GGA1: variants seen among roughly 807,000 people sequenced by gnomAD.
The protein encoded by GGA1 is golgi associated, gamma adaptin ear containing, ARF binding protein 1.
In GGA1, 18 loss-of-function variants were observed where a neutral mutation model predicts 76.9. That is an observed-to-expected ratio of 0.23 (90% CI 0.16 to 0.35). The LOEUF is 0.35. Among genes scored for constraint, GGA1 ranks in the 10% least tolerant of loss-of-function variants. The probability of loss-of-function intolerance (pLI) is 1.00; values close to 1 mark genes in which losing one functional copy is unlikely to be tolerated. For synonymous variants in GGA1, 342 were observed against 354.7 expected (o/e 0.96, Z 0.40); for missense variants, 755 against 859.0 (o/e 0.88, Z 1.51).
At position 37,633,303 on chromosome 22, in the gene GGA1, C is replaced by G. The variant is rs946049012; in HGVS notation, c.*592C>G. The G allele has an allele frequency of 1.5e-4, 23 of 152,406 alleles. No individual in the cohort carries two copies. The highest frequency in any genetic ancestry group is 5.6e-4 in the African/African-American group (23 of 41,412). The allele number at this position is 152,406 out of a possible 1,614,324, so 9.4% of individuals were successfully genotyped here. ...CAGGCTGGGGGAACCTCACCTGGCCCGTACTCCTGGGGGTTTCCCTTTGCC... is the reference window on the plus strand; with the variant it reads ...CAGGCTGGGGGAACCTCACCTGGCCGGTACTCCTGGGGGTTTCCCTTTGCC... On this transcript the variant is annotated 3_prime_UTR_variant, in exon 17 of 17. Coordinates refer to ENST00000343632, the MANE Select transcript of GGA1 (RefSeq NM_013365.5).
Position 37,623,351 on chromosome 22 carries a change from T to G in GGA1, c.634T>G (p.Ser212Ala). 6.2e-7 allele frequency: 1 copy of G among 1,614,002 alleles called. No homozygotes were observed. Among genetic ancestry groups the G allele is most frequent in the Non-Finnish European group, 8.5e-7 (1 of 1,179,942 alleles). The change falls in exon 8 of 17, where the codon TCG becomes GCG. Residue 212 changes from serine (S) to alanine (A), a missense_variant. Transcript: ENST00000343632. The surrounding 1 kb of genome is among the most constrained non-coding windows in gnomAD (Gnocchi z 4.6). ...QEDQKRMEKI[S>A]KRVNAIEEVN... ...GGACCAGAAGCGGATGGAGAAGATC[T>G]CGAAGAGGGTGAATGCCATCGAGGA...
chr22:37,619,668 C>T, intron 4 of GGA1: 1 of 619,538 alleles, frequency 1.6e-6, no homozygotes, highest in Non-Finnish European at 3.0e-6. Flanking sequence ...GAGCCATGGC[C>T]TCCGGCCTAC....
At chr22:37,622,826 G>A (rs1164662497) in intron 7 of GGA1, among the ~76,000 whole-genome samples, 9 of 152,206 alleles carry the variant, frequency 5.9e-5, no homozygotes, top group Admixed American at 2.0e-4. Flanking sequence ...GGGGAAAGCC[G>A]GGCTGCTCCC....
chr22:37,609,961 G>A (rs1927199085), intron 1 of GGA1, among the ~76,000 whole-genome samples: 1 of 152,164 alleles, frequency 6.6e-6, no homozygotes, highest in Non-Finnish European at 1.5e-5. Flanking sequence ...AACCTCTAGG[G>A]ATGTTTCAGA....
At chr22:37,609,333 C>T (rs1332291710) in intron 1 of GGA1, 8 of 1,099,860 alleles carry the variant, frequency 7.3e-6, no homozygotes, top group East Asian at 1.1e-4. Context: ...CACTCTCTGG[C>T]CCTGCATGGC....
At chr22:37,619,281 G>T (rs1210281810) in intron 4 of GGA1, among the ~76,000 whole-genome samples, 2 of 151,990 alleles carry the variant, frequency 1.3e-5, no homozygotes, top group African/African-American at 4.8e-5. Flanking sequence ...TGGCCAGGCT[G>T]GTCTTGAACT....
At chr22:37,628,969 G>A (rs1289043616) in intron 11 of GGA1, among the ~76,000 whole-genome samples, 1 of 152,226 alleles carries the variant, frequency 6.6e-6, no homozygotes, top group Non-Finnish European at 1.5e-5. Flanking sequence ...AGGGCCTTCA[G>A]CGTCGCCTCC....
At chr22:37,620,788 C>A (rs1325197732) in intron 5 of GGA1, 25 bp from the exon 6 acceptor site, 9 of 1,421,130 alleles carry the variant, frequency 6.3e-6, no homozygotes, top group Non-Finnish European at 9.0e-6. Context: ...ATATTGACAG[C>A]CTTTCTGACA....
intron 1 of GGA1, chr22:37,609,324 A>C: frequency 9.1e-7 from 1 of 1,104,406 alleles, no homozygotes. Context: ...CGAATCCTCC[A>C]CTCTCTGGCC....
intron 4 of GGA1, among the ~76,000 whole-genome samples, chr22:37,619,452 C>T (rs1326071217): frequency 2.6e-5 from 4 of 151,106 alleles, no homozygotes; most frequent in African/African-American, 9.8e-5. Flanking sequence ...GATCTCAGCT[C>T]ACTGCACCCT....
At chr22:37,627,766 G>A (rs976062025) in intron 11 of GGA1, among the ~76,000 whole-genome samples, 10 of 152,246 alleles carry the variant, frequency 6.6e-5, no homozygotes, top group African/African-American at 2.4e-4. Flanking sequence ...TGGGGGCACA[G>A]GAGCCGGAAG....
intron 1 of GGA1, 67 bp from the exon 2 acceptor site, chr22:37,614,123 A>G: frequency 9.4e-7 from 1 of 1,069,420 alleles, no homozygotes; most frequent in Non-Finnish European, 1.5e-6. Flanking sequence ...CACCTTTGCC[A>G]GGGTCAGGAG....
intron 5 of GGA1, 84 bp from the exon 6 acceptor site, chr22:37,620,729 C>A: frequency 1.2e-6 from 1 of 859,260 alleles, no homozygotes; most frequent in Non-Finnish European, 2.0e-6. Context: ...TTCTGTCCTA[C>A]CCTTGCCTGC....
chr22:37,621,736 G>C (rs1461394169), intron 7 of GGA1, 40 bp downstream of exon 7: 1 of 1,370,266 alleles, frequency 7.3e-7, no homozygotes, highest in African/African-American at 1.4e-5. Context: ...AGGCGGGATG[G>C]GGGTATTGAG....
intron 1 of GGA1, among the ~76,000 whole-genome samples, chr22:37,611,833 A>T (rs1015461745): frequency 1.3e-5 from 2 of 152,242 alleles, no homozygotes; most frequent in African/African-American, 4.8e-5. Flanking sequence ...TGGCCTTCCC[A>T]TGCAAAAAGT....
intron 6 of GGA1, among the ~76,000 whole-genome samples, 163 bp downstream of exon 6, chr22:37,621,076 CTGAG>C (rs1008765050): frequency 2.6e-5 from 4 of 152,180 alleles, no homozygotes; most frequent in African/African-American, 9.7e-5. Flanking sequence ...TTAATATGTG[CTGAG>C]TATGTCCCAT....
chr22:37,625,806 C>T lies in GGA1; in HGVS notation c.950C>T (p.Ser317Leu), dbSNP rs1461976426. Residue 317 changes from serine (S) to leucine (L), a missense_variant, in exon 11 of 17, where the codon TCG becomes TTG. Ser to Leu is a moderately radical substitution (Grantham distance 145). Coordinates refer to ENST00000343632, the MANE Select transcript of GGA1 (RefSeq NM_013365.5). The surrounding 1 kb of genome is among the most constrained non-coding windows in gnomAD (Gnocchi z 4.1). ...TTCTTTCCCACCCCAGGGAGCACCT[C>T]GGCCCTGCTGGATCTCTCAGGCCTG... ...ATAGSIPGSTSALLDLSGLDL... is the reference protein window; with the variant it reads ...ATAGSIPGSTLALLDLSGLDL... 7 of 1,583,330 alleles carry T rather than the reference C, an allele frequency of 4.4e-6. No homozygotes were observed. In the African/African-American group the frequency reaches 5.4e-5, roughly 12 times the overall value.
At chr22:37,631,926 G>T (rs531041281) in intron 14 of GGA1, 70 bp from the exon 15 acceptor site, 2 of 1,404,700 alleles carry the variant, frequency 1.4e-6, no homozygotes, top group African/African-American at 1.4e-5. Context: ...GGCCAGCCGG[G>T]TGGGGGCTGG....
At chr22:37,610,845 CA>C (rs1419438621) in intron 1 of GGA1, 1 of 152,200 alleles carries the variant, frequency 6.6e-6, no homozygotes, top group Admixed American at 6.5e-5. Flanking sequence ...GGCTGAGGGT[CA>C]GGGGCCATGG....
Sources: gnomAD v4.1 joint callset for allele counts (sites outside exome capture counted in the v4.1 genomes callset) on GRCh38, gnomAD v4.1.1 for gene constraint, Gnocchi (gnomAD v3.1) non-coding constraint, MANE v1.5 for transcripts, NCBI Gene and HGNC (gene_info 2026-07-23, HGNC 2026-07-21) for gene names.